USP30: variants seen among roughly 807,000 people sequenced by gnomAD.
USP30 encodes ubiquitin carboxyl-terminal hydrolase 30.
USP30 carries 41 observed loss-of-function variants against 68.2 expected under a neutral mutation model. That is an observed-to-expected ratio of 0.60 (90% CI 0.47 to 0.78). USP30 has a LOEUF of 0.78. USP30 is among the 30% of genes least tolerant of loss of function. USP30 has a pLI of 0.00. For synonymous variants in USP30, 229 were observed against 253.7 expected (o/e 0.90, Z 0.93); for missense variants, 522 against 649.4 (o/e 0.80, Z 2.13).
At chr12:109,049,035 C>A (rs1321853060), upstream of USP30, among the ~76,000 whole-genome samples, 1 of 152,128 alleles carries the variant, frequency 6.6e-6, no homozygotes, top group African/African-American at 2.4e-5. Context: ...TCTTGAAGGT[C>A]CCCTTGGCCA....
chr12:109,055,902 AAGT>A (rs2040861967), intron 1 of USP30, among the ~76,000 whole-genome samples: 1 of 152,080 alleles, frequency 6.6e-6, no homozygotes. Flanking sequence ...TAAAAAGAAA[AAGT>A]AGAAACATGT....
rs1035655235 is a variant in USP30, at chr12:109,052,617, C to T, written c.-62C>T. 4 of 959,792 alleles carry T rather than the reference C, an allele frequency of 4.2e-6. No individual in the cohort carries two copies. The African/African-American group carries it at 5.0e-5, about 12-fold the overall frequency. The allele number at this position is 959,792 out of a possible 1,614,324, so 59.5% of individuals were successfully genotyped here. On this transcript the variant is annotated 5_prime_UTR_variant, in exon 1 of 13. Transcript: ENST00000257548. ...CTGTCTCGGGAACCGTCGTATCCCT[C>T]GGTCCGGCGGCGGCGGCGGCGGTAG...
At chr12:109,028,985 A>T (rs2040463402) in intron 3 of USP30, among the ~76,000 whole-genome samples, 1 of 152,228 alleles carries the variant, frequency 6.6e-6, no homozygotes, top group Non-Finnish European at 1.5e-5. Context: ...GAAAATATTG[A>T]TGTATAATTA....
In USP30 at chr12:109,061,735, G is replaced by A. The variant is rs546711672; in HGVS notation, c.376+3627G>A. 7.0e-4 allele frequency among the ~76,000 whole-genome samples: 107 copies of A among 152,150 alleles called. 2 individuals carry two copies. Among genetic ancestry groups the A allele is most frequent in the Non-Finnish European group, 2.2e-4 (15 of 68,004 alleles). On this transcript the variant is annotated intron_variant, in intron 3 of 12. Coordinates refer to ENST00000257548, the MANE Select transcript of USP30 (RefSeq NM_032663.5). Reference sequence around the variant, plus strand: ...TATAAATAATTTTTTAATTATACAAGTAATGCATGAATCAGTTCTCTTTGT... The same window carrying A: ...TATAAATAATTTTTTAATTATACAAATAATGCATGAATCAGTTCTCTTTGT...
intron 4 of USP30, 132 bp from the exon 5 acceptor site, chr12:109,071,480 T>G (rs1593274633): frequency 5.0e-5 from 33 of 663,074 alleles, no homozygotes; most frequent in Admixed American, 8.0e-5. Context: ...TTTTCTTTAA[T>G]GAGCTGGGCC....
chr12:109,067,723 C>G, intron 4 of USP30, 96 bp downstream of exon 4: 1 of 1,063,758 alleles, frequency 9.4e-7, no homozygotes. Context: ...GTGTACATTT[C>G]TGTGACATTT....
chr12:109,066,229 C>T (rs1469973768), intron 3 of USP30, among the ~76,000 whole-genome samples: 1 of 110,240 alleles, frequency 9.1e-6, no homozygotes, highest in Non-Finnish European at 1.7e-5. Context: ...CCTAGCCTGA[C>T]AGAATGAGAC....
At chr12:109,035,949 G>A (rs1593221753) in intron 3 of USP30, among the ~76,000 whole-genome samples, 1 of 152,152 alleles carries the variant, frequency 6.6e-6, no homozygotes, top group African/African-American at 2.4e-5. Flanking sequence ...AATTGCTTGA[G>A]CTCAGGAATT....
intron 3 of USP30, among the ~76,000 whole-genome samples, chr12:109,044,019 T>A (rs956839582): frequency 5.9e-5 from 9 of 152,208 alleles, no homozygotes; most frequent in African/African-American, 2.2e-4. Context: ...CAATGAGGAA[T>A]AGTGTTCAGC....
At chr12:109,043,742 T>C (rs1213013430) in intron 3 of USP30, among the ~76,000 whole-genome samples, 4 of 152,108 alleles carry the variant, frequency 2.6e-5, no homozygotes, top group African/African-American at 9.7e-5. Flanking sequence ...TTCATGAAAA[T>C]TTAAAACTTT....
At position 109,075,497 on chromosome 12, in the gene USP30, C is replaced by T. The variant is rs1250857888; in HGVS notation, c.720+1965C>T. On this transcript the variant is annotated intron_variant, in intron 7 of 12. Coordinates refer to ENST00000257548, the MANE Select transcript of USP30 (RefSeq NM_032663.5). ...TCCCAAGTAGCTGGGATTACAGGCA[C>T]CCGCCAACACACCCAGCTAATCTTT... 7.2e-5 allele frequency among the ~76,000 whole-genome samples: 11 copies of T among 152,278 alleles called. No homozygotes were observed. In the South Asian group the frequency reaches 8.3e-4, roughly 11 times the overall value.
intron 7 of USP30, among the ~76,000 whole-genome samples, chr12:109,075,909 G>C (rs2041589967): frequency 6.9e-6 from 1 of 144,060 alleles, no homozygotes; most frequent in Non-Finnish European, 1.5e-5. Flanking sequence ...TGTATTTCAA[G>C]TATTCAATTT....
At chr12:109,044,404 G>C (rs2135676266) in intron 3 of USP30, among the ~76,000 whole-genome samples, 1 of 152,304 alleles carries the variant, frequency 6.6e-6, no homozygotes, top group Non-Finnish European at 1.5e-5. Flanking sequence ...TTGGGAGGCT[G>C]AGGTGGGAGG....
chr12:109,052,529 C>T (rs905904470), upstream of USP30: 2 of 648,168 alleles, frequency 3.1e-6, no homozygotes, highest in African/African-American at 1.9e-5. Context: ...CTTCCGGTCC[C>T]CCTGGGAGCT....
At chr12:109,068,145 T>C (rs1389797323) in intron 4 of USP30, among the ~76,000 whole-genome samples, 1 of 152,178 alleles carries the variant, frequency 6.6e-6, no homozygotes, top group African/African-American at 2.4e-5. Context: ...TTTTTGGAAC[T>C]TGGCCACCCT....
At position 109,058,033 on chromosome 12, in the gene USP30, T is replaced by A; in HGVS notation, c.301T>A (p.Ser101Thr). ...AFIRWLEEFT[S>T]QYSRDQKEPP... ...CATCAGGTGGCTGGAAGAGTTCACC[T>A]CCCAGTACTCCAGGGATCAGAAGGA... Residue 101 changes from serine (S) to threonine (T), a missense_variant, in exon 3 of 13, where the codon TCC (serine) becomes ACC (threonine). By Grantham distance (58) the Ser-to-Thr change is moderately conservative (BLOSUM62 1). Coordinates refer to ENST00000257548, the MANE Select transcript of USP30 (RefSeq NM_032663.5). 1.9e-6 allele frequency: 3 copies of A among 1,614,166 alleles called. No homozygotes were observed. The highest frequency in any genetic ancestry group is 2.5e-6 in the Non-Finnish European group (3 of 1,180,030).
intron 12 of USP30, 94 bp downstream of exon 12, chr12:109,085,167 A>G (rs968352306): frequency 1.1e-5 from 14 of 1,260,158 alleles, no homozygotes; most frequent in East Asian, 1.1e-4. Context: ...GAAAATATAG[A>G]TGTTTATTTT....
chr12:109,036,523 C>G (rs756861673), intron 3 of USP30, among the ~76,000 whole-genome samples: 1 of 152,044 alleles, frequency 6.6e-6, no homozygotes, highest in Non-Finnish European at 1.5e-5. Context: ...GTCTCAAACT[C>G]CAGACCTGAG....
At chr12:109,067,107 AT>A (rs754748366) in intron 3 of USP30, among the ~76,000 whole-genome samples, 10,562 of 104,670 alleles carry the variant, frequency 0.1, 246 homozygotes, top group Admixed American at 0.2. Flanking sequence ...ACAGTCCTTA[AT>A]TTTTTTTTTT....
Sources: gnomAD v4.1 joint callset for allele counts (sites outside exome capture counted in the v4.1 genomes callset) on GRCh38, gnomAD v4.1.1 for gene constraint, MANE v1.5 for transcripts, NCBI Gene and HGNC (gene_info 2026-07-23, HGNC 2026-07-21) for gene names.